KDM2B: variants seen among roughly 807,000 people sequenced by gnomAD.
KDM2B encodes the protein lysine-specific demethylase 2B.
Under a neutral mutation model 150.0 loss-of-function variants are expected in KDM2B, and 26 were observed. That is an observed-to-expected ratio of 0.17 (90% confidence interval 0.13 to 0.24). The LOEUF (loss-of-function observed/expected upper bound fraction) is 0.24. Ranked by LOEUF, KDM2B falls within the 10% of genes least tolerant of loss-of-function variation. KDM2B has a pLI of 1.00. For synonymous variants in KDM2B, 734 were observed against 729.5 expected, an observed-to-expected ratio of 1.01 and a Z score of -0.10; for missense variants, 1,265 against 1,816.9, an observed-to-expected ratio of 0.70 and a Z score of 5.52.
chr12:121,565,573 TCCCAAAGTG>T (rs1566425800), intron 4 of KDM2B, among the ~76,000 whole-genome samples: 1 of 152,116 alleles, frequency 6.6e-6, no homozygotes, highest in Non-Finnish European at 1.5e-5. Flanking sequence ...CACCTTGGCC[TCCCAAAGTG>T]CTAGAATTAA....
At position 121,445,355 on chromosome 12, in the gene KDM2B, C is replaced by T. The variant is rs781986739; in HGVS notation, c.2023G>A (p.Glu675Lys). ...AGGTTAAACTTGCCTTCCTCCTCTTCCACCGTGTCTTCCTTCCCCGCCTCG... is the reference window on the plus strand; with the variant it reads ...AGGTTAAACTTGCCTTCCTCCTCTTTCACCGTGTCTTCCTTCCCCGCCTCG... ...CGEAGKEDTV[E>K]EEEGKFNLML... The change falls in exon 14 of 23, where the codon GAA becomes AAA. Residue 675 changes from glutamate to lysine, a missense_variant. This residue lies in a region of KDM2B where 30 missense variants were observed against 32.0 expected (regional missense o/e 0.94). Transcript: ENST00000377071. 1 of 1,611,614 alleles carries T rather than the reference C, an allele frequency of 6.2e-7. No homozygotes were observed. Among genetic ancestry groups the T allele is most frequent in the African/African-American group, 1.3e-5 (1 of 75,030 alleles).
intron 1 of KDM2B, chr12:121,579,966 ATC>A: frequency 3.4e-6 from 5 of 1,453,248 alleles, no homozygotes; most frequent in Non-Finnish European, 4.6e-6. Context: ...AAAAAGATCT[ATC>A]ATATGCCAGA....
chr12:121,477,729 C>T (rs1881547746), intron 12 of KDM2B, among the ~76,000 whole-genome samples: 1 of 151,908 alleles, frequency 6.6e-6, no homozygotes, highest in Non-Finnish European at 1.5e-5. Flanking sequence ...AGGTGTCTGC[C>T]ACCACACCCA....
intron 4 of KDM2B, among the ~76,000 whole-genome samples, chr12:121,561,642 C>T (rs1327466205): frequency 1.3e-5 from 2 of 152,198 alleles, no homozygotes; most frequent in Admixed American, 1.3e-4. Flanking sequence ...GAACCACACC[C>T]ATCTATGTCC....
chr12:121,481,910 C>T (rs1008603374), intron 12 of KDM2B, among the ~76,000 whole-genome samples: 14 of 152,128 alleles, frequency 9.2e-5, no homozygotes, highest in African/African-American at 3.4e-4. Flanking sequence ...TCCCAAGTAG[C>T]TGGGATTACG....
chr12:121,470,605 G>C (rs1256545409), intron 12 of KDM2B: 1 of 152,264 alleles, frequency 6.6e-6, no homozygotes, highest in Non-Finnish European at 1.5e-5. Flanking sequence ...GTGGGTACTT[G>C]ACAGATGAGG....
intron 4 of KDM2B, among the ~76,000 whole-genome samples, chr12:121,567,736 A>G (rs1158428783): frequency 3.5e-4 from 40 of 115,838 alleles, no homozygotes; most frequent in Non-Finnish European, 5.0e-4. Flanking sequence ...TTTGAGACGG[A>G]GTCTCACTCT....
chr12:121,577,887 AC>A lies in KDM2B; in HGVS notation c.271+914del, dbSNP rs1444173279. The stretch of plus-strand genomic sequence containing the variant: ...CAGGGCTCTGGAGGCCTCAGAGGCA[AC>A]CCAGGGCGTCACCTTAACATCTGGA... On this transcript the variant is annotated intron_variant, in intron 2 of 22. Transcript: ENST00000377071. Among the ~76,000 whole-genome samples, 6 of 152,222 alleles carry A rather than the reference AC, an allele frequency of 3.9e-5. No homozygotes were observed. The East Asian group carries it at 1.2e-3, about 29-fold the overall frequency.
At chr12:121,486,809 A>AATC (rs1168788584) in intron 12 of KDM2B, among the ~76,000 whole-genome samples, 1 of 151,772 alleles carries the variant, frequency 6.6e-6, no homozygotes, top group Non-Finnish European at 1.5e-5. Flanking sequence ...TCATAATCAT[A>AATC]ATCATCATCA....
intron 8 of KDM2B, among the ~76,000 whole-genome samples, chr12:121,529,373 G>A (rs1328460062): frequency 6.6e-6 from 1 of 152,164 alleles, no homozygotes; most frequent in Admixed American, 6.5e-5. Flanking sequence ...GGAGGCGTGA[G>A]GTCAGTGTGG....
At chr12:121,572,184 C>T (rs565409818) in intron 4 of KDM2B, among the ~76,000 whole-genome samples, 2 of 152,118 alleles carry the variant, frequency 1.3e-5, no homozygotes, top group South Asian at 2.1e-4. Context: ...GACAAAAGCA[C>T]GAGACTGGTC....
Position 121,521,622 on chromosome 12 carries a change from A to C in KDM2B, c.932-522T>G, listed in dbSNP as rs1304072287. Among the ~76,000 whole-genome samples, 4 of 152,064 alleles carry C rather than the reference A, an allele frequency of 2.6e-5. No homozygotes were observed. Among genetic ancestry groups the C allele is most frequent in the Non-Finnish European group, 5.9e-5 (4 of 68,012 alleles). On this transcript the variant is annotated intron_variant, in intron 8 of 22. Transcript: ENST00000377071. The surrounding 1 kb of genome is among the most constrained non-coding windows in gnomAD (Gnocchi z 4.9). Reference sequence around the variant, plus strand: ...GCCCAAGTCCATCTTCTTGTCATCAAACTCCACCCAGGCCCCTTTCCATGT... The same window carrying C: ...GCCCAAGTCCATCTTCTTGTCATCACACTCCACCCAGGCCCCTTTCCATGT...
rs782800668 is a variant in KDM2B at position 121,575,751 on chromosome 12, G to A, written c.350+30C>T. 6 of 1,468,364 alleles carry A rather than the reference G, an allele frequency of 4.1e-6. No individual in the cohort carries two copies. In the African/African-American group the frequency reaches 6.9e-5, roughly 17 times the overall value. 91.0% of individuals were successfully genotyped at this position (1,468,364 alleles called of 1,614,324 possible). A position where few individuals can be genotyped will look rare whatever the true frequency, so the allele number is the denominator to read the frequency against. ...TAAAGTATGTTAGGGAGGAAGACGG[G>A]GGAAGGAGTGATTAGTTTCAGCAAC... On this transcript the variant is annotated intron_variant, in intron 3 of 22. Coordinates refer to ENST00000377071, the MANE Select transcript of KDM2B (RefSeq NM_032590.5). The surrounding 1 kb of genome is among the most constrained non-coding windows in gnomAD (Gnocchi z 4.4).
intron 12 of KDM2B, among the ~76,000 whole-genome samples, chr12:121,463,519 G>A (rs1555294153): frequency 6.6e-6 from 1 of 152,136 alleles, no homozygotes; most frequent in Non-Finnish European, 1.5e-5. Context: ...ATAAATTTCT[G>A]AGAGATTTTC....
downstream of KDM2B, among the ~76,000 whole-genome samples, chr12:121,427,435 G>A (rs1256288012): frequency 2.0e-5 from 3 of 152,156 alleles, no homozygotes; most frequent in African/African-American, 7.2e-5. Context: ...CCAACTACTG[G>A]GGAGGCTGAG....
At chr12:121,484,926 CAT>C (rs1357668920) in intron 12 of KDM2B, among the ~76,000 whole-genome samples, 6 of 152,236 alleles carry the variant, frequency 3.9e-5, no homozygotes, top group African/African-American at 1.4e-4. Flanking sequence ...CCCCAAAATT[CAT>C]ATGTTGAAAT....
In KDM2B at chr12:121,575,760, T is replaced by C. The variant is rs2136605837; in HGVS notation, c.350+21A>G. On this transcript the variant is annotated intron_variant, in intron 3 of 22. Transcript: ENST00000377071. The surrounding 1 kb of genome is among the most constrained non-coding windows in gnomAD (Gnocchi z 4.4). The stretch of plus-strand genomic sequence containing the variant: ...TTAGGGAGGAAGACGGGGGAAGGAG[T>C]GATTAGTTTCAGCAACTTACTTAAT... 4 of 1,545,260 alleles carry C rather than the reference T, an allele frequency of 2.6e-6. No homozygotes were observed. Among genetic ancestry groups the C allele is most frequent in the Non-Finnish European group, 3.6e-6 (4 of 1,117,660 alleles).
intron 4 of KDM2B, among the ~76,000 whole-genome samples, chr12:121,573,520 C>T (rs782145096): frequency 1.9e-4 from 29 of 152,058 alleles, no homozygotes; most frequent in Non-Finnish European, 2.9e-4. Context: ...AGCGATCTGC[C>T]TGTCTCAGCC....
intron 12 of KDM2B, among the ~76,000 whole-genome samples, chr12:121,482,138 C>T (rs1169477525): frequency 6.6e-6 from 1 of 152,016 alleles, no homozygotes; most frequent in Non-Finnish European, 1.5e-5. Context: ...AAAAAGAAAT[C>T]CTTGGCCACT....
Sources: allele counts gnomAD v4.1 joint callset (sites outside exome capture counted in the v4.1 genomes callset), GRCh38; gene constraint gnomAD v4.1.1; regional missense constraint gnomAD v4.1.1; non-coding constraint Gnocchi (gnomAD v3.1); transcripts MANE v1.5; gene names NCBI Gene and HGNC (gene_info 2026-07-23, HGNC 2026-07-21).